Variants in VRK2 observed in about 807,000 individuals in gnomAD.
The protein encoded by VRK2 is VRK serine/threonine kinase 2.
In VRK2, 60 loss-of-function variants were observed where a neutral mutation model predicts 57.6. That is an observed-to-expected ratio of 1.04 (90% confidence interval 0.85 to 1.29). VRK2 has a LOEUF of 1.29. Ranked by LOEUF, VRK2 falls within the 50% of genes most tolerant of loss-of-function variation. The probability of loss-of-function intolerance (pLI) is 0.00; values close to 1 mark genes in which losing one functional copy is unlikely to be tolerated. For missense variants in VRK2, 705 were observed against 588.1 expected (o/e 1.20, Z -2.06); for synonymous variants, 231 against 199.2 (o/e 1.16, Z -1.35).
At chr2:58,117,205 G>C (rs1488456088) in intron 7 of VRK2, among the ~76,000 whole-genome samples, 1 of 152,158 alleles carries the variant, frequency 6.6e-6, no homozygotes, top group East Asian at 1.9e-4. Flanking sequence ...CATGAACTGG[G>C]CTGGGTTTTT....
At chr2:58,147,197 C>G (rs781321569) in intron 12 of VRK2, 1 of 517,962 alleles carries the variant, frequency 1.9e-6, no homozygotes, top group East Asian at 5.5e-5. Flanking sequence ...AAACTGAGCA[C>G]TGAATTTGGC....
At chr2:57,909,415 T>G (rs1040252270) in intron 1 of VRK2, among the ~76,000 whole-genome samples, 3 of 152,090 alleles carry the variant, frequency 2.0e-5, no homozygotes. Flanking sequence ...AGTGATGATT[T>G]ACACTTGTAA....
upstream of VRK2, among the ~76,000 whole-genome samples, chr2:58,044,866 TTC>T (rs1286377664): frequency 3.3e-5 from 5 of 152,272 alleles, no homozygotes; most frequent in East Asian, 3.9e-4. Context: ...TTGGCAAAAT[TTC>T]GTCATGTTGG....
chr2:57,911,584 C>T (rs140313212), intron 1 of VRK2, among the ~76,000 whole-genome samples: 2 of 152,202 alleles, frequency 1.3e-5, no homozygotes, highest in African/African-American at 4.8e-5. Context: ...TGCCCTGATT[C>T]ATTCAAAGAG....
chr2:57,961,622 C>A (rs1671762387), intron 1 of VRK2, among the ~76,000 whole-genome samples: 1 of 64,832 alleles, frequency 1.5e-5, no homozygotes, highest in African/African-American at 7.6e-5. Context: ...CCACTGTACC[C>A]ACCCCCCCCC....
intron 1 of VRK2, among the ~76,000 whole-genome samples, chr2:57,936,927 C>T (rs1421499071): frequency 6.6e-6 from 1 of 152,166 alleles, no homozygotes; most frequent in East Asian, 1.9e-4. Context: ...GATACCGCAT[C>T]CTATTTTACC....
At chr2:57,924,599 TA>T (rs1357716180) in intron 1 of VRK2, among the ~76,000 whole-genome samples, 1 of 151,968 alleles carries the variant, frequency 6.6e-6, no homozygotes, top group Non-Finnish European at 1.5e-5. Context: ...CTATTAGTTC[TA>T]ATAGTTTTCC....
chr2:58,075,210 C>T (rs1669918187), intron 2 of VRK2, among the ~76,000 whole-genome samples: 1 of 152,030 alleles, frequency 6.6e-6, no homozygotes, highest in Non-Finnish European at 1.5e-5. Context: ...CATGTTGCGG[C>T]AAAGGACACG....
intron 1 of VRK2, among the ~76,000 whole-genome samples, chr2:57,915,670 C>T (rs149950290): frequency 1.1e-4 from 16 of 152,216 alleles, no homozygotes; most frequent in South Asian, 2.1e-4. Flanking sequence ...CAGTTATCTG[C>T]GATAAGCTGT....
At chr2:57,947,016 G>A (rs1671282769) in intron 1 of VRK2, among the ~76,000 whole-genome samples, 1 of 152,094 alleles carries the variant, frequency 6.6e-6, no homozygotes, top group African/African-American at 2.4e-5. Flanking sequence ...TTTCACTGAT[G>A]AGCACCAATC....
intron 7 of VRK2, among the ~76,000 whole-genome samples, chr2:58,122,154 T>G (rs1286753153): frequency 6.6e-6 from 1 of 152,120 alleles, no homozygotes; most frequent in Non-Finnish European, 1.5e-5. Flanking sequence ...GATAAAATAG[T>G]GGTGTTTCTT....
intron 1 of VRK2, among the ~76,000 whole-genome samples, chr2:57,998,683 C>G (rs185274245): frequency 3.3e-5 from 5 of 152,144 alleles, no homozygotes; most frequent in Admixed American, 6.5e-5. Flanking sequence ...GCACAGTTAA[C>G]TACCCTTTCT....
chr2:57,978,743 A>G (rs1672325412), intron 1 of VRK2, among the ~76,000 whole-genome samples: 1 of 148,608 alleles, frequency 6.7e-6, no homozygotes, highest in Non-Finnish European at 1.5e-5. Flanking sequence ...TTTCATAGGT[A>G]TACATGTGTC....
At chr2:57,911,135 C>T (rs1474614134) in intron 1 of VRK2, among the ~76,000 whole-genome samples, 1 of 151,456 alleles carries the variant, frequency 6.6e-6, no homozygotes, top group African/African-American at 2.4e-5. Context: ...ATATGAAAAT[C>T]ATTACATCTC....
rs563437672 is a variant in VRK2 at position 58,093,380 on chromosome 2, A to G, written c.543+3657A>G. 6.9e-3 allele frequency among the ~76,000 whole-genome samples: 1,049 copies of G among 152,002 alleles called. 16 individuals are homozygous for G. Among genetic ancestry groups the G allele is most frequent in the African/African-American group, 0.023 (958 of 41,454 alleles). On this transcript the variant is annotated intron_variant, in intron 7 of 12. Coordinates refer to ENST00000340157, the MANE Select transcript of VRK2 (RefSeq NM_006296.7). ...TCTAACTGGTGTGAGATGGTATCTC[A>G]TTGTGGTTTTGATTTGCATTTCTCT...
intron 2 of VRK2, among the ~76,000 whole-genome samples, chr2:58,057,210 A>G (rs1676656774): frequency 6.6e-6 from 1 of 151,930 alleles, no homozygotes; most frequent in South Asian, 2.1e-4. Flanking sequence ...TTCTATTATG[A>G]TTTTCCCAAT....
chr2:57,997,487 A>AT (rs1229241505), intron 1 of VRK2, among the ~76,000 whole-genome samples: 1 of 152,196 alleles, frequency 6.6e-6, no homozygotes. Context: ...GTTAAAAGAC[A>AT]TTTTTTAAAT....
intron 2 of VRK2, among the ~76,000 whole-genome samples, chr2:58,069,272 C>G (rs775873865): frequency 6.6e-6 from 1 of 152,128 alleles, no homozygotes; most frequent in Non-Finnish European, 1.5e-5. Flanking sequence ...TTGTTCAGGT[C>G]ATGTGTGTTC....
At chr2:58,135,800 G>A (rs1018910960) in intron 10 of VRK2, among the ~76,000 whole-genome samples, 2 of 152,066 alleles carry the variant, frequency 1.3e-5, no homozygotes, top group Non-Finnish European at 2.9e-5. Context: ...AAAATAGCAC[G>A]TCAACTAGTA....
Sources: allele counts gnomAD v4.1 joint callset (sites outside exome capture counted in the v4.1 genomes callset), GRCh38; gene constraint gnomAD v4.1.1; transcripts MANE v1.5; gene names NCBI Gene and HGNC (gene_info 2026-07-23, HGNC 2026-07-21).